The following GABRG3 variants were observed in gnomAD, a reference collection of about 807,000 sequenced individuals.
The protein encoded by GABRG3 is gamma-aminobutyric acid receptor subunit gamma-3.
GABRG3 carries 25 observed loss-of-function variants against 48.8 expected under a neutral mutation model. The observed-to-expected ratio is 0.51, with a 90% CI of 0.37 to 0.72. GABRG3 has a LOEUF of 0.72. Among genes scored for constraint, GABRG3 ranks in the 30% least tolerant of loss-of-function variants. GABRG3 has a pLI of 0.00. For missense variants in GABRG3, 394 were observed against 577.9 expected (o/e 0.68, Z 3.26); for synonymous variants, 227 against 217.6 (o/e 1.04, Z -0.38).
intron 5 of GABRG3, among the ~76,000 whole-genome samples, chr15:27,369,738 T>C (rs1314137753): frequency 7.9e-5 from 10 of 127,288 alleles, no homozygotes; most frequent in South Asian, 7.4e-4. Flanking sequence ...ACCCGGGAGG[T>C]GGAGGTTGCA....
At chr15:27,386,159 C>G (rs146927998) in intron 5 of GABRG3, among the ~76,000 whole-genome samples, 5 of 152,218 alleles carry the variant, frequency 3.3e-5, no homozygotes, top group Admixed American at 3.3e-4. Flanking sequence ...CTTTTTAAGT[C>G]AGGCTTCCTA....
intron 6 of GABRG3, among the ~76,000 whole-genome samples, chr15:27,502,942 C>T (rs143854212): frequency 9.3e-4 from 142 of 152,286 alleles, no homozygotes; most frequent in African/African-American, 2.6e-3. Context: ...TCCACATGTT[C>T]GGCCATCTGG....
intron 3 of GABRG3, among the ~76,000 whole-genome samples, chr15:27,176,842 A>C (rs780824362): frequency 5.3e-5 from 8 of 152,148 alleles, no homozygotes; most frequent in Non-Finnish European, 7.4e-5. Flanking sequence ...CAGCCCAGCT[A>C]CCTGCGTTTA....
chr15:27,329,315 G>A (rs1241181392), intron 5 of GABRG3, among the ~76,000 whole-genome samples: 1 of 152,052 alleles, frequency 6.6e-6, no homozygotes, highest in Non-Finnish European at 1.5e-5. Flanking sequence ...CCAGGCTGGA[G>A]TGCAGTAGCA....
intron 3 of GABRG3, among the ~76,000 whole-genome samples, chr15:27,197,449 C>G (rs1423569721): frequency 2.7e-5 from 4 of 149,296 alleles, no homozygotes; most frequent in African/African-American, 1.0e-4. Context: ...TAAGCCCCCA[C>G]TCTATTTCCT....
At chr15:27,048,016 T>C (rs74006559) in intron 3 of GABRG3, among the ~76,000 whole-genome samples, 2,582 of 152,264 alleles carry the variant, frequency 0.017, 65 homozygotes, top group African/African-American at 0.052. Flanking sequence ...GTCGTTTGCA[T>C]CCAGGCAAGG....
intron 5 of GABRG3, among the ~76,000 whole-genome samples, chr15:27,396,582 T>A (rs1887303130): frequency 6.6e-6 from 1 of 152,152 alleles, no homozygotes; most frequent in Non-Finnish European, 1.5e-5. Flanking sequence ...AGAAAATAGT[T>A]TATCAGGTTA....
At chr15:27,178,035 G>C (rs1365931679) in intron 3 of GABRG3, among the ~76,000 whole-genome samples, 1 of 151,930 alleles carries the variant, frequency 6.6e-6, no homozygotes, top group East Asian at 1.9e-4. Flanking sequence ...TGGGTGGGAA[G>C]CTCAATCAGG....
chr15:27,002,760 A>AAAAAAAAAG lies in GABRG3; in HGVS notation c.203-23991_203-23990insAAAAAGAAA, dbSNP rs71130292. ...CGTGTCTCTCAAAAAAAAAAAAAAA[A>AAAAAAAAAG]AAAGGAAGGAAGGAAGGAAGGAAAG... On this transcript the variant is annotated intron_variant, in intron 2 of 9. Transcript: ENST00000615808. 1.1e-3 allele frequency among the ~76,000 whole-genome samples: 141 copies of AAAAAAAAAG among 125,888 alleles called. 1 individual carries two copies. Among genetic ancestry groups the AAAAAAAAAG allele is most frequent in the Non-Finnish European group, 1.5e-3 (91 of 61,324 alleles). 82.6% of individuals were successfully genotyped at this position (125,888 alleles called of 152,430 possible).
intron 6 of GABRG3, among the ~76,000 whole-genome samples, chr15:27,501,416 C>T (rs1347674945): frequency 3.9e-5 from 6 of 152,112 alleles, no homozygotes; most frequent in South Asian, 2.1e-4. Flanking sequence ...AGTTATGGGA[C>T]GAAACGAGCA....
At chr15:27,101,207 A>T (rs1401588914) in intron 3 of GABRG3, among the ~76,000 whole-genome samples, 1 of 152,240 alleles carries the variant, frequency 6.6e-6, no homozygotes, top group African/African-American at 2.4e-5. Context: ...TAGTTTTTAC[A>T]GTTGCTTCAA....
At chr15:27,194,147 C>T (rs1888422266) in intron 3 of GABRG3, among the ~76,000 whole-genome samples, 2 of 151,968 alleles carry the variant, frequency 1.3e-5, no homozygotes, top group South Asian at 4.2e-4. Flanking sequence ...AATGTTTTAC[C>T]ACATTAAGTA....
intron 3 of GABRG3, among the ~76,000 whole-genome samples, chr15:27,225,889 G>A (rs1368942129): frequency 6.6e-6 from 1 of 152,138 alleles, no homozygotes; most frequent in Non-Finnish European, 1.5e-5. Context: ...GAGCTTCCAG[G>A]GGAGGAGGAG....
intron 3 of GABRG3, among the ~76,000 whole-genome samples, chr15:27,298,407 A>G (rs1046525208): frequency 6.6e-6 from 1 of 152,114 alleles, no homozygotes; most frequent in Non-Finnish European, 1.5e-5. Context: ...CAGCATTTGA[A>G]AAGGAAAAGT....
intron 5 of GABRG3, among the ~76,000 whole-genome samples, chr15:27,455,222 A>T (rs1400859138): frequency 6.6e-6 from 1 of 152,152 alleles, no homozygotes; most frequent in Non-Finnish European, 1.5e-5. Flanking sequence ...GGCTAGCAGC[A>T]TGAGGGGCTG....
intron 2 of GABRG3, among the ~76,000 whole-genome samples, chr15:27,018,480 A>G (rs1311405580): frequency 6.6e-6 from 1 of 152,170 alleles, no homozygotes; most frequent in Non-Finnish European, 1.5e-5. Flanking sequence ...GTTACTTATC[A>G]TATCTGACCC....
chr15:27,098,504 T>C (rs1333853763), intron 3 of GABRG3, among the ~76,000 whole-genome samples: 2 of 152,168 alleles, frequency 1.3e-5, no homozygotes, highest in Admixed American at 6.5e-5. Context: ...TTTGAAGATA[T>C]GATATCCTTT....
chr15:27,399,750 C>T (rs1210243233), intron 5 of GABRG3, among the ~76,000 whole-genome samples: 1 of 152,146 alleles, frequency 6.6e-6, no homozygotes, highest in Non-Finnish European at 1.5e-5. Flanking sequence ...GTTAAAATGT[C>T]TTCAATTTCC....
intron 2 of GABRG3, among the ~76,000 whole-genome samples, chr15:26,978,670 G>A (rs1047826946): frequency 5.9e-5 from 9 of 152,096 alleles, no homozygotes; most frequent in South Asian, 2.1e-4. Flanking sequence ...TCTCTGTTTC[G>A]CTCTGTTTTA....
Sources: gnomAD v4.1 joint callset for allele counts (sites outside exome capture counted in the v4.1 genomes callset) on GRCh38, gnomAD v4.1.1 for gene constraint, MANE v1.5 for transcripts, NCBI Gene and HGNC (gene_info 2026-07-23, HGNC 2026-07-21) for gene names.